Variants in NLGN1 observed in about 807,000 individuals in gnomAD.
The protein encoded by NLGN1 is neuroligin-1.
NLGN1 carries 12 observed loss-of-function variants against 65.5 expected under a neutral mutation model. The observed-to-expected ratio is 0.18, with a 90% CI of 0.12 to 0.30. NLGN1 has a LOEUF of 0.30. Ranked by LOEUF, NLGN1 falls within the 10% of genes least tolerant of loss-of-function variation. NLGN1 has a pLI of 1.00. For missense variants in NLGN1, 750 were observed against 1,007.1 expected (o/e 0.74, Z 3.46); for synonymous variants, 350 against 359.5 (o/e 0.97, Z 0.30).
chr3:174,218,731 C>G (rs1449484879), intron 4 of NLGN1, among the ~76,000 whole-genome samples: 1 of 152,014 alleles, frequency 6.6e-6, no homozygotes, highest in Non-Finnish European at 1.5e-5. Context: ...GATAAGTAAG[C>G]TATATTTATC....
chr3:174,240,569 T>C (rs377585264), intron 4 of NLGN1, among the ~76,000 whole-genome samples: 164 of 152,158 alleles, frequency 1.1e-3, no homozygotes, highest in African/African-American at 3.8e-3. Flanking sequence ...AAACCAACAA[T>C]AGGATATCTA....
chr3:173,735,338 T>G (rs1773570686), intron 3 of NLGN1, among the ~76,000 whole-genome samples: 1 of 152,250 alleles, frequency 6.6e-6, no homozygotes, highest in East Asian at 1.9e-4. Context: ...ATGGAACTAC[T>G]GAAACACTTT....
chr3:174,119,902 A>G (rs1717380318), intron 4 of NLGN1, among the ~76,000 whole-genome samples: 1 of 152,206 alleles, frequency 6.6e-6, no homozygotes, highest in Non-Finnish European at 1.5e-5. Flanking sequence ...TTCCTGTAGT[A>G]AAGATATTTA....
At chr3:173,411,141 T>C (rs1027530413) in intron 1 of NLGN1, among the ~76,000 whole-genome samples, 1 of 152,228 alleles carries the variant, frequency 6.6e-6, no homozygotes, top group African/African-American at 2.4e-5. Context: ...GAAGATGTGC[T>C]GCCTCTTTGG....
chr3:173,925,449 A>G (rs917281000), intron 4 of NLGN1, among the ~76,000 whole-genome samples: 2 of 152,212 alleles, frequency 1.3e-5, no homozygotes, highest in African/African-American at 4.8e-5. Context: ...TATTTCACCA[A>G]TTCAGAATAA....
At chr3:173,627,640 T>C (rs1755027261) in intron 3 of NLGN1, among the ~76,000 whole-genome samples, 1 of 152,144 alleles carries the variant, frequency 6.6e-6, no homozygotes, top group Non-Finnish European at 1.5e-5. Flanking sequence ...GAGCATATTA[T>C]ATGGAAACAT....
intron 2 of NLGN1, among the ~76,000 whole-genome samples, chr3:173,535,542 G>T (rs866174899): frequency 9.9e-5 from 15 of 151,952 alleles, no homozygotes; most frequent in African/African-American, 2.4e-4. Context: ...CTGAGCCTTA[G>T]TAATATGTAA....
At chr3:174,040,070 T>C (rs1290204685) in intron 4 of NLGN1, among the ~76,000 whole-genome samples, 1 of 152,182 alleles carries the variant, frequency 6.6e-6, no homozygotes, top group Non-Finnish European at 1.5e-5. Flanking sequence ...TAATTATCTT[T>C]GACTTTCCAT....
chr3:173,883,165 G>A (rs1005441224), intron 4 of NLGN1, among the ~76,000 whole-genome samples: 21 of 150,966 alleles, frequency 1.4e-4, no homozygotes, highest in African/African-American at 4.9e-4. Flanking sequence ...TCTAGGTTTT[G>A]ATTAAAGTGA....
chr3:173,731,810 G>A (rs1772904261), intron 3 of NLGN1, among the ~76,000 whole-genome samples: 1 of 151,988 alleles, frequency 6.6e-6, no homozygotes, highest in Non-Finnish European at 1.5e-5. Flanking sequence ...AAATGAGATG[G>A]ATTTAGGTTC....
chr3:173,889,753 C>A (rs571889413), intron 4 of NLGN1, among the ~76,000 whole-genome samples: 15 of 151,744 alleles, frequency 9.9e-5, no homozygotes, highest in African/African-American at 3.4e-4. Context: ...CTAGTTGTAC[C>A]GGTTGAGAAA....
intron 4 of NLGN1, among the ~76,000 whole-genome samples, chr3:174,232,242 G>T (rs975328458): frequency 6.6e-6 from 1 of 152,120 alleles, no homozygotes; most frequent in Non-Finnish European, 1.5e-5. Flanking sequence ...CAAGGTGCTC[G>T]GTAGGGGAGC....
chr3:173,838,600 C>A (rs1359328243), intron 4 of NLGN1, among the ~76,000 whole-genome samples: 1 of 152,044 alleles, frequency 6.6e-6, no homozygotes, highest in Admixed American at 6.6e-5. Context: ...GACTCCCAGC[C>A]TCTAAATCCC....
intron 4 of NLGN1, among the ~76,000 whole-genome samples, chr3:174,198,159 GTAA>G (rs1733814001): frequency 6.6e-6 from 1 of 152,074 alleles, no homozygotes; most frequent in African/African-American, 2.4e-5. Context: ...AGGTTGGTAA[GTAA>G]TAATAGTAGT....
chr3:174,191,686 G>C (rs1022517049), intron 4 of NLGN1, among the ~76,000 whole-genome samples: 1 of 152,118 alleles, frequency 6.6e-6, no homozygotes, highest in Non-Finnish European at 1.5e-5. Flanking sequence ...CAAAATTACA[G>C]TTTCCACAAA....
chr3:173,483,567 A>T (rs374632204), intron 2 of NLGN1, among the ~76,000 whole-genome samples: 1 of 152,150 alleles, frequency 6.6e-6, no homozygotes, highest in African/African-American at 2.4e-5. Flanking sequence ...AAAATATAGA[A>T]TCTACAAACA....
intron 4 of NLGN1, among the ~76,000 whole-genome samples, chr3:173,982,672 G>C (rs1719019577): frequency 6.6e-6 from 1 of 152,190 alleles, no homozygotes; most frequent in African/African-American, 2.4e-5. Context: ...CAATTTCTGA[G>C]TCAAACTTTT....
At chr3:174,211,912 A>G (rs952113859) in intron 4 of NLGN1, among the ~76,000 whole-genome samples, 2 of 152,176 alleles carry the variant, frequency 1.3e-5, no homozygotes, top group South Asian at 2.1e-4. Context: ...GGCTTCACCC[A>G]GTAGATCCCG....
intron 4 of NLGN1, among the ~76,000 whole-genome samples, chr3:174,091,126 A>G (rs1279839681): frequency 6.6e-6 from 1 of 151,958 alleles, no homozygotes; most frequent in African/African-American, 2.4e-5. Context: ...CAGGTGCCTG[A>G]AGAAAATTAA....
Sources: allele counts gnomAD v4.1 joint callset (sites outside exome capture counted in the v4.1 genomes callset), GRCh38; gene constraint gnomAD v4.1.1; transcripts MANE v1.5; gene names NCBI Gene and HGNC (gene_info 2026-07-23, HGNC 2026-07-21).